The following TEX11 variants were observed in gnomAD, a reference collection of about 807,000 sequenced individuals.
The protein encoded by TEX11 is testis expressed 11.
A neutral mutation model predicts 84.4 loss-of-function variants in TEX11; 7 were observed. The observed-to-expected ratio is 0.08, with a 90% CI of 0.05 to 0.16. The LOEUF (loss-of-function observed/expected upper bound fraction) is 0.16, where lower values mean the gene tolerates loss of function less well. TEX11 is among the 10% of genes least tolerant of loss of function. The pLI is 1.00. For synonymous variants in TEX11, 264 were observed against 222.8 expected, an observed-to-expected ratio of 1.18 and a Z score of -1.64; for missense variants, 551 against 660.5, an observed-to-expected ratio of 0.83 and a Z score of 1.82.
At chrX:70,859,580 CAAAAAAAA>C (rs760041212) in intron 5 of TEX11, among the ~76,000 whole-genome samples, 463 of 35,038 alleles carry the variant, frequency 0.013, 4 homozygotes, top group Middle Eastern at 0.045. Context: ...AGATCCTGTC[CAAAAAAAA>C]AAAAAAAAAA....
At chrX:70,706,557 G>A (rs2090378607) in intron 13 of TEX11, among the ~76,000 whole-genome samples, 2 of 111,061 alleles carry the variant, frequency 1.8e-5, no homozygotes, top group South Asian at 7.7e-4. Context: ...GAATAGTTTT[G>A]TCTTCATAAA....
chrX:70,719,154 T>A (rs781708057), intron 13 of TEX11, among the ~76,000 whole-genome samples: 1 of 112,081 alleles, frequency 8.9e-6, no homozygotes. Flanking sequence ...CACAGAATAA[T>A]ATCTGGTATA....
chrX:70,572,947 C>T (rs2088624813), intron 25 of TEX11, among the ~76,000 whole-genome samples: 1 of 110,057 alleles, frequency 9.1e-6, no homozygotes, highest in South Asian at 4.0e-4. Flanking sequence ...CACATGTATA[C>T]ATATGTAACT....
At chrX:70,786,039 A>C (rs76312658) in intron 9 of TEX11, among the ~76,000 whole-genome samples, 8,546 of 111,912 alleles carry the variant, frequency 0.076, 497 homozygotes, top group Admixed American at 0.28. Context: ...TTGTGGCACT[A>C]TTCACAATAG....
rs1318472280 is a variant in TEX11, at chrX:70,714,135, C to G, written c.1004+8483G>C. Among the ~76,000 whole-genome samples, 74 of 111,512 alleles carry G rather than the reference C, an allele frequency of 6.6e-4. 1 individual carries two copies. The highest frequency in any genetic ancestry group is 4.2e-4 in the African/African-American group (13 of 30,773). ...GTTTCTTAATCCTGAGTTCTAGTTTCATTGCACTGTGGTCTGAGAGACAGT... is the reference window on the plus strand; with the variant it reads ...GTTTCTTAATCCTGAGTTCTAGTTTGATTGCACTGTGGTCTGAGAGACAGT... On this transcript the variant is annotated intron_variant, in intron 13 of 29. Transcript: ENST00000374333.
rs915350040 is a variant in TEX11, at chrX:70,574,205, T to C, written c.2140+17546A>G. On this transcript the variant is annotated intron_variant, in intron 25 of 29. Coordinates refer to ENST00000374333, the MANE Select transcript of TEX11 (RefSeq NM_031276.3). The stretch of plus-strand genomic sequence containing the variant: ...TATATAGAGACTCTGACTCCAAGGA[T>C]GCTCTTAGCAACATCCAAAAATGAT... Among the ~76,000 whole-genome samples, 7 of 112,114 alleles carry C rather than the reference T, an allele frequency of 6.2e-5. No individual in the cohort carries two copies. In the East Asian group the frequency reaches 1.7e-3, roughly 27 times the overall value.
intron 13 of TEX11, among the ~76,000 whole-genome samples, chrX:70,716,874 C>T (rs771407723): frequency 1.7e-4 from 19 of 112,463 alleles, no homozygotes; most frequent in Admixed American, 3.8e-4. Flanking sequence ...GCGTCGCTCA[C>T]GCTGGGAGCT....
intron 4 of TEX11, among the ~76,000 whole-genome samples, chrX:70,867,493 T>C (rs1173329821): frequency 8.9e-6 from 1 of 111,746 alleles, no homozygotes; most frequent in Non-Finnish European, 1.9e-5. Flanking sequence ...AAGCTACCAC[T>C]GACTTTCTTC....
At chrX:70,700,007 A>T (rs1440366224) in intron 13 of TEX11, among the ~76,000 whole-genome samples, 3 of 111,960 alleles carry the variant, frequency 2.7e-5, no homozygotes, top group Non-Finnish European at 5.6e-5. Context: ...TTATATAACT[A>T]TAGAACAATA....
rs766715873 is a variant in TEX11, at chrX:70,682,798, C to T, written c.1032G>A (p.Thr344=). ...ERESVGFHFL[T]IIHERFKSSE... ...ATGACTTAAAACGTTCATGAATAAT[C>T]GTCAGGAAATGAAACCCAACAGATT... is the stretch of plus-strand genomic sequence containing the variant. The change falls in exon 14 of 30, where the codon ACG becomes ACA. Residue 344 remains threonine (T), a synonymous_variant. Coordinates refer to ENST00000374333, the MANE Select transcript of TEX11 (RefSeq NM_031276.3). 10 of 1,207,276 alleles carry T rather than the reference C, an allele frequency of 8.3e-6. No homozygotes were observed. The highest frequency in any genetic ancestry group is 1.8e-5 in the African/African-American group (1 of 56,977).
rs1354861939 is a variant in TEX11 at position 70,685,578 on chromosome X, CA to C, written c.1005-2754del. Among the ~76,000 whole-genome samples, 5 of 111,026 alleles carry C rather than the reference CA, an allele frequency of 4.5e-5. No homozygotes were observed. The East Asian group carries it at 1.1e-3, about 25-fold the overall frequency. On this transcript the variant is annotated intron_variant, in intron 13 of 29. Transcript: ENST00000374333. Reference sequence around the variant, plus strand: ...TTGTATAGAACACCAAAAGCAAAGGCAAAAAAAATTTTTAAAGCAAAAACAA... The same window carrying C: ...TTGTATAGAACACCAAAAGCAAAGGCAAAAAAATTTTTAAAGCAAAAACAA...
chrX:70,566,153 TCTCTTTGA>T (rs1423573523), intron 25 of TEX11, among the ~76,000 whole-genome samples: 2 of 105,419 alleles, frequency 1.9e-5, no homozygotes, highest in Non-Finnish European at 3.9e-5. Flanking sequence ...GGTATTTTAT[TCTCTTTGA>T]AGCAATTGTG....
intron 8 of TEX11, among the ~76,000 whole-genome samples, chrX:70,821,505 T>C (rs751987983): frequency 8.9e-6 from 1 of 111,879 alleles, no homozygotes; most frequent in East Asian, 2.8e-4. Flanking sequence ...GCTCCAGCCA[T>C]GTAGGATGCG....
intron 20 of TEX11, among the ~76,000 whole-genome samples, chrX:70,618,547 A>G (rs1170777025): frequency 1.8e-5 from 2 of 111,827 alleles, no homozygotes; most frequent in African/African-American, 6.5e-5. Flanking sequence ...CCAACAAAAG[A>G]GACAGAGACT....
intron 17 of TEX11, among the ~76,000 whole-genome samples, chrX:70,650,741 A>C (rs2089801068): frequency 8.9e-6 from 1 of 112,180 alleles, no homozygotes; most frequent in Admixed American, 9.5e-5. Context: ...GTTTGGATCC[A>C]TTAATTTAAG....
intron 17 of TEX11, among the ~76,000 whole-genome samples, chrX:70,638,102 G>A (rs922493297): frequency 2.3e-4 from 25 of 110,932 alleles, no homozygotes; most frequent in Non-Finnish European, 4.0e-4. Context: ...AAAACTTTCC[G>A]AACCTGGGGA....
chrX:70,851,666 T>TACACACACACACACACAC (rs55903537), intron 7 of TEX11, among the ~76,000 whole-genome samples: 26 of 92,007 alleles, frequency 2.8e-4, no homozygotes, highest in East Asian at 1.4e-3. Flanking sequence ...ATTAAAAACA[T>TACACACACACACACACAC]ACACACACAC....
chrX:70,597,145 A>C, intron 24 of TEX11, among the ~76,000 whole-genome samples: 1 of 112,325 alleles, frequency 8.9e-6, no homozygotes, highest in Non-Finnish European at 1.9e-5. Flanking sequence ...TGTTGAAAGA[A>C]GTGAAAAACC....
At chrX:70,657,351 C>T in intron 16 of TEX11, among the ~76,000 whole-genome samples, 1 of 109,527 alleles carries the variant, frequency 9.1e-6, no homozygotes, top group Non-Finnish European at 1.9e-5. Flanking sequence ...AGTAGTAACA[C>T]TTTCTAAATG....
Sources: allele counts gnomAD v4.1 joint callset (sites outside exome capture counted in the v4.1 genomes callset), GRCh38; gene constraint gnomAD v4.1.1; transcripts MANE v1.5; gene names NCBI Gene and HGNC (gene_info 2026-07-23, HGNC 2026-07-21).